C14orf93: variants seen among roughly 807,000 people sequenced by gnomAD.
The protein encoded by C14orf93 is uncharacterized protein C14orf93.
A neutral mutation model predicts 44.0 loss-of-function variants in C14orf93; 23 were observed. The observed-to-expected ratio is 0.52, with a 90% confidence interval of 0.38 to 0.74. The LOEUF (loss-of-function observed/expected upper bound fraction) is 0.74. C14orf93 is among the 30% of genes least tolerant of loss of function. The probability of loss-of-function intolerance (pLI) is 0.00; values close to 1 mark genes in which losing one functional copy is unlikely to be tolerated. For synonymous variants in C14orf93, 253 were observed against 265.7 expected (o/e 0.95, Z 0.46); for missense variants, 579 against 678.9 (o/e 0.85, Z 1.64).
Position 23,001,297 on chromosome 14 carries a change from T to C in C14orf93, c.-379-1895A>G, listed in dbSNP as rs189521123. On this transcript the variant is annotated intron_variant, in intron 1 of 6. Transcript: ENST00000299088. ...TCAAATGCTTGCCAGCTGGGTTCAGTATTTGTAAAATCAGTAATTAAGATG... is the reference window on the plus strand; with the variant it reads ...TCAAATGCTTGCCAGCTGGGTTCAGCATTTGTAAAATCAGTAATTAAGATG... Among the ~76,000 whole-genome samples the C allele has an allele frequency of 2.4e-3, 367 of 152,358 alleles. 1 individual carries two copies. The highest frequency in any genetic ancestry group is 8.4e-3 in the African/African-American group (349 of 41,572).
rs1284291161 is a variant in C14orf93 at position 22,998,838 on chromosome 14, C to A, written c.186G>T (p.Leu62=). 1 of 1,614,160 alleles carries A rather than the reference C, an allele frequency of 6.2e-7. No individual in the cohort carries two copies. The highest frequency in any genetic ancestry group is 1.7e-5 in the Admixed American group (1 of 60,018). Residue 62 remains leucine (L), a synonymous_variant, in exon 2 of 7, where the codon CTG becomes CTT. Coordinates refer to ENST00000299088, the MANE Select transcript of C14orf93 (RefSeq NM_021944.4). ...TATCGACCCGCTGGTAGATAACATG[C>A]AGGAGCTGCTCTGAGCTCTGAACAG... ...GLAVQSSEQL[L]HVIYQRVDKA...
Position 22,999,600 on chromosome 14 carries a change from T to C in C14orf93, c.-379-198A>G, listed in dbSNP as rs77606195. On this transcript the variant is annotated intron_variant, in intron 1 of 6. Coordinates refer to ENST00000299088, the MANE Select transcript of C14orf93 (RefSeq NM_021944.4). ...ACTCCAGGTCCAGAGAAGAGACATG[T>C]GGAGAAGTTATATGTCTTTTTCAAG... Among the ~76,000 whole-genome samples, 486 of 152,258 alleles carry C rather than the reference T, an allele frequency of 3.2e-3. 2 individuals carry two copies. Among genetic ancestry groups the C allele is most frequent in the African/African-American group, 0.011 (458 of 41,544 alleles).
chr14:22,988,563 T>C (rs996164711), intron 5 of C14orf93, among the ~76,000 whole-genome samples: 1 of 152,096 alleles, frequency 6.6e-6, no homozygotes, highest in Non-Finnish European at 1.5e-5. Flanking sequence ...GGCAGTGGCA[T>C]GGTCATGCAT....
In C14orf93 at chr14:22,998,754, T is replaced by C. The variant is rs775154127; in HGVS notation, c.270A>G (p.Leu90=). 1 of 1,614,136 alleles carries C rather than the reference T, an allele frequency of 6.2e-7. No homozygotes were observed. Among genetic ancestry groups the C allele is most frequent in the East Asian group, 2.2e-5 (1 of 44,886 alleles). ...LGLARANNEL[L]KRLQEEVGDL... ...CACCCACTTCCTCCTGGAGACGTTT[T>C]AACAACTCATTGTTGGCCCTGGCAA... Residue 90 remains leucine, a synonymous_variant, in exon 2 of 7, where the codon TTA becomes TTG. Coordinates refer to ENST00000299088, the MANE Select transcript of C14orf93 (RefSeq NM_021944.4).
At chr14:22,990,703 A>T (rs982777169) in intron 3 of C14orf93, among the ~76,000 whole-genome samples, 4 of 152,026 alleles carry the variant, frequency 2.6e-5, no homozygotes, top group Non-Finnish European at 2.9e-5. Context: ...TCCTGATCTC[A>T]GGTGATCTGC....
chr14:22,990,909 C>A (rs1185117422), intron 3 of C14orf93, among the ~76,000 whole-genome samples: 2 of 150,528 alleles, frequency 1.3e-5, no homozygotes, highest in African/African-American at 4.9e-5. Flanking sequence ...AGCTCTGCCT[C>A]TCGGGTTCAC....
chr14:22,990,822 C>CTT (rs754334097), intron 3 of C14orf93, among the ~76,000 whole-genome samples: 8 of 130,248 alleles, frequency 6.1e-5, no homozygotes, highest in Non-Finnish European at 1.0e-4. Flanking sequence ...CTTTCCTTTT[C>CTT]TTTTTTTTTT....
intron 3 of C14orf93, among the ~76,000 whole-genome samples, chr14:22,995,187 A>G (rs567551264): frequency 3.9e-5 from 6 of 152,360 alleles, no homozygotes; most frequent in African/African-American, 9.6e-5. Flanking sequence ...CCAAACCTCT[A>G]TAACTGAGCT....
Position 22,999,013 on chromosome 14 carries a change from C to T in C14orf93, c.11G>A (p.Ser4Asn), listed in dbSNP as rs2046162392. 3.1e-6 allele frequency: 5 copies of T among 1,609,978 alleles called. No individual in the cohort carries two copies. The highest frequency in any genetic ancestry group is 4.2e-6 in the Non-Finnish European group (5 of 1,179,044). MSFSATILFSPPSG... is the reference protein window; with the variant it reads MSFNATILFSPPSG... ...GGGAGGGGAGAAGAGAATGGTGGCA[C>T]TGAAGGACATGGCGGATGGGGCAGT... The change falls in exon 2 of 7, where the codon AGT (serine) becomes AAT (asparagine). Residue 4 changes from serine to asparagine, a missense_variant. Transcript: ENST00000299088.
intron 2 of C14orf93, among the ~76,000 whole-genome samples, chr14:22,997,214 C>T (rs2046035829): frequency 2.0e-5 from 3 of 152,170 alleles, no homozygotes; most frequent in Non-Finnish European, 4.4e-5. Context: ...CCTGACCAGC[C>T]ACAGACTGGG....
At chr14:23,004,355 T>C (rs1247358533) in intron 1 of C14orf93, among the ~76,000 whole-genome samples, 3 of 151,430 alleles carry the variant, frequency 2.0e-5, no homozygotes, top group Non-Finnish European at 4.4e-5. Flanking sequence ...GGATTACAGG[T>C]ATGCACCACC....
At chr14:22,991,147 CA>C (rs1208360186) in intron 3 of C14orf93, among the ~76,000 whole-genome samples, 1 of 150,152 alleles carries the variant, frequency 6.7e-6, no homozygotes, top group Non-Finnish European at 1.5e-5. Context: ...ATTTTTTCTT[CA>C]AAATGTATTT....
chr14:23,003,807 AAAG>A (rs1314546256), intron 1 of C14orf93, among the ~76,000 whole-genome samples: 7 of 142,014 alleles, frequency 4.9e-5, no homozygotes, highest in Middle Eastern at 3.6e-3. Flanking sequence ...GCTCAGAAAA[AAAG>A]AAGGTGAGCT....
intron 1 of C14orf93, chr14:23,004,948 A>G (rs1043068512): frequency 1.3e-5 from 2 of 152,244 alleles, no homozygotes; most frequent in African/African-American, 4.8e-5. Flanking sequence ...AATAAATAAC[A>G]AAGTGAAATA....
Position 22,987,179 on chromosome 14 carries a change from C to T in C14orf93, c.*36G>A. On this transcript the variant is annotated 3_prime_UTR_variant, in exon 7 of 7. Transcript: ENST00000299088. This position sits in a 1 kb window ranked among gnomAD's most constrained non-coding sequence, Gnocchi z 5.6. The stretch of plus-strand genomic sequence containing the variant: ...GGCCACCTATTTCTGAGACATGGGG[C>T]ATGGCGGAAGCCAGAGTTATTCTTG... 1 of 1,555,182 alleles carries T rather than the reference C, an allele frequency of 6.4e-7. No individual in the cohort carries two copies. Among genetic ancestry groups the T allele is most frequent in the Non-Finnish European group, 8.7e-7 (1 of 1,146,234 alleles).
intron 3 of C14orf93, among the ~76,000 whole-genome samples, chr14:22,995,679 C>CAA (rs58710730): frequency 0.035 from 1,534 of 44,402 alleles, 94 homozygotes; most frequent in African/African-American, 0.084. Context: ...GACTCTGACT[C>CAA]AAAAAAAAAA....
Position 22,987,598 on chromosome 14 carries a change from C to G in C14orf93, c.1234G>C (p.Gly412Arg). Reference protein sequence around the residue: ...ANRSSIMRHFGPEDQRLWNDV... With the variant: ...ANRSSIMRHFRPEDQRLWNDV... ...TTCCACAGACGTTGGTCCTCAGGTC[C>G]AAAATGCCTCATGATACTGGATCGG... is the stretch of plus-strand genomic sequence containing the variant. Residue 412 changes from glycine to arginine, a missense_variant, in exon 7 of 7, where the codon GGA (glycine) becomes CGA (arginine). Physicochemically the swap from Gly to Arg is moderately radical, Grantham distance 125 (BLOSUM62 -2). Transcript: ENST00000299088. The surrounding 1 kb of genome is among the most constrained non-coding windows in gnomAD (Gnocchi z 5.6). The G allele has an allele frequency of 6.2e-7, 1 of 1,609,672 alleles. No homozygotes were observed. Among genetic ancestry groups the G allele is most frequent in the Non-Finnish European group, 8.5e-7 (1 of 1,177,580 alleles).
Position 22,987,736 on chromosome 14 carries a change from A to G in C14orf93, c.1198-102T>C. The G allele has an allele frequency of 7.6e-7, 1 of 1,312,882 alleles. No individual in the cohort carries two copies. The highest frequency in any genetic ancestry group is 1.0e-6 in the Non-Finnish European group (1 of 959,170). 81.3% of individuals were successfully genotyped at this position (1,312,882 alleles called of 1,614,324 possible). A position where few individuals can be genotyped will look rare whatever the true frequency, so the allele number is the denominator to read the frequency against. On this transcript the variant is annotated intron_variant, in intron 6 of 6. Coordinates refer to ENST00000299088, the MANE Select transcript of C14orf93 (RefSeq NM_021944.4). This position sits in a 1 kb window ranked among gnomAD's most constrained non-coding sequence, Gnocchi z 5.6. ...GAAGGCTGTGTAAAATCTGTGCCTA[A>G]GTGAACCCAGTCCCCAAGTCAGATC...
At chr14:23,009,298 A>G (rs950135387) in intron 1 of C14orf93, among the ~76,000 whole-genome samples, 2 of 152,234 alleles carry the variant, frequency 1.3e-5, no homozygotes, top group Non-Finnish European at 2.9e-5. Flanking sequence ...TTTGCACACA[A>G]AATATTTTGA....
Sources: gnomAD v4.1 joint callset for allele counts (sites outside exome capture counted in the v4.1 genomes callset) on GRCh38, gnomAD v4.1.1 for gene constraint, Gnocchi (gnomAD v3.1) non-coding constraint, MANE v1.5 for transcripts, NCBI Gene and HGNC (gene_info 2026-07-23, HGNC 2026-07-21) for gene names.